FAM135B: variants seen among roughly 807,000 people sequenced by gnomAD.
FAM135B encodes the protein family with sequence similarity 135 member B.
In FAM135B, 43 loss-of-function variants were observed where a neutral mutation model predicts 127.7. The ratio of observed to expected loss-of-function variants is 0.34; its 90% confidence interval spans 0.26 to 0.43. The LOEUF is 0.43. FAM135B is among the 20% of genes least tolerant of loss of function. The pLI, the probability that FAM135B is intolerant of heterozygous loss-of-function variation, is 1.00. For synonymous variants in FAM135B, 670 were observed against 665.1 expected (o/e 1.01, Z -0.11); for missense variants, 1,558 against 1,725.6 (o/e 0.90, Z 1.72).
At chr8:138,460,583 C>T (rs1457895283) in intron 1 of FAM135B, among the ~76,000 whole-genome samples, 4 of 152,158 alleles carry the variant, frequency 2.6e-5, no homozygotes, top group African/African-American at 9.7e-5. Context: ...CTGCTTCAGA[C>T]TATTAAGATT....
At chr8:138,463,735 T>C (rs1837249587) in intron 1 of FAM135B, among the ~76,000 whole-genome samples, 1 of 152,080 alleles carries the variant, frequency 6.6e-6, no homozygotes, top group African/African-American at 2.4e-5. Context: ...AGTAGTAAGA[T>C]GTAATCTAAG....
At chr8:138,458,982 C>T (rs2131610523) in intron 1 of FAM135B, 1 of 152,292 alleles carries the variant, frequency 6.6e-6, no homozygotes, top group Middle Eastern at 3.4e-3. Flanking sequence ...GTGTGAAATT[C>T]CCTACACAGG....
chr8:138,142,068 T>C (rs1471173873), intron 16 of FAM135B, among the ~76,000 whole-genome samples: 2 of 152,066 alleles, frequency 1.3e-5, no homozygotes, highest in East Asian at 1.9e-4. Context: ...CTAACCTCTA[T>C]AGGCTTCATT....
chr8:138,356,977 C>T (rs1400196258), intron 2 of FAM135B, among the ~76,000 whole-genome samples: 2 of 152,036 alleles, frequency 1.3e-5, no homozygotes, highest in African/African-American at 2.4e-5. Context: ...TATATGAGGA[C>T]AATTAAGTCA....
intron 1 of FAM135B, among the ~76,000 whole-genome samples, chr8:138,465,286 T>G (rs974736405): frequency 1.3e-5 from 2 of 152,106 alleles, no homozygotes; most frequent in African/African-American, 4.8e-5. Context: ...TAGATGCTTA[T>G]GAAGTGCCCA....
intron 7 of FAM135B, among the ~76,000 whole-genome samples, chr8:138,226,070 T>C (rs12115181): frequency 0.23 from 34,730 of 151,592 alleles, 4,723 homozygotes; most frequent in African/African-American, 0.38. Context: ...TCTTATTATC[T>C]TATATAACAA....
At chr8:138,494,455 G>T (rs1184727347) in intron 1 of FAM135B, among the ~76,000 whole-genome samples, 1 of 152,182 alleles carries the variant, frequency 6.6e-6, no homozygotes, top group Non-Finnish European at 1.5e-5. Flanking sequence ...CACAAAGGAG[G>T]TCCAGAGTGT....
At chr8:138,302,125 G>A (rs946527580) in intron 3 of FAM135B, among the ~76,000 whole-genome samples, 2 of 81,504 alleles carry the variant, frequency 2.5e-5, no homozygotes, top group Non-Finnish European at 5.1e-5. Context: ...AAAACCACAT[G>A]AAGGAAGTGT....
chr8:138,344,577 C>CTTTTTTTTTTTTT (rs869039075), intron 2 of FAM135B, among the ~76,000 whole-genome samples: 51 of 83,926 alleles, frequency 6.1e-4, no homozygotes, highest in Admixed American at 7.5e-4. Flanking sequence ...TTCTTTCTTT[C>CTTTTTTTTTTTTT]TTTTTTTTTT....
intron 15 of FAM135B, among the ~76,000 whole-genome samples, 173 bp downstream of exon 15, chr8:138,145,782 TCTCC>T (rs1193993283): frequency 2.0e-5 from 3 of 152,110 alleles, no homozygotes; most frequent in Non-Finnish European, 2.9e-5. Context: ...TACCGTTTCC[TCTCC>T]CTCCCGAAAT....
intron 2 of FAM135B, among the ~76,000 whole-genome samples, chr8:138,329,923 A>G (rs1828049913): frequency 6.6e-6 from 1 of 152,176 alleles, no homozygotes; most frequent in Admixed American, 6.5e-5. Flanking sequence ...GAGAAGGGAG[A>G]GAGTCCCAAT....
chr8:138,475,072 G>A (rs1169212095), intron 1 of FAM135B, among the ~76,000 whole-genome samples: 1 of 146,780 alleles, frequency 6.8e-6, no homozygotes, highest in East Asian at 2.1e-4. Flanking sequence ...TTGCTTCTAG[G>A]TTAGTGAAAA....
chr8:138,162,861 C>T (rs958062490), intron 12 of FAM135B, among the ~76,000 whole-genome samples: 3 of 152,002 alleles, frequency 2.0e-5, no homozygotes, highest in Non-Finnish European at 2.9e-5. Flanking sequence ...AACTTGAATG[C>T]CTTGTATAAA....
At chr8:138,402,728 C>T (rs1168745450) in intron 1 of FAM135B, among the ~76,000 whole-genome samples, 1 of 152,166 alleles carries the variant, frequency 6.6e-6, no homozygotes, top group Non-Finnish European at 1.5e-5. Context: ...TACTACACTA[C>T]CAAGGTTATC....
chr8:138,310,928 A>G lies in FAM135B; in HGVS notation c.78-8T>C, dbSNP rs1055547881. The G allele has an allele frequency of 6.2e-7, 1 of 1,610,212 alleles. No individual in the cohort carries two copies. Among genetic ancestry groups the G allele is most frequent in the Non-Finnish European group, 8.5e-7 (1 of 1,178,010 alleles). ...ACTCGGATCTGGTAATACCTAAGAA[A>G]AGAGAAGAGGACAGGGTGCTGAAGA... On this transcript the variant is annotated splice_region_variant and splice_polypyrimidine_tract_variant and intron_variant, in intron 2 of 19. Transcript: ENST00000395297.
intron 3 of FAM135B, among the ~76,000 whole-genome samples, chr8:138,270,118 C>G (rs1823258928): frequency 6.6e-6 from 1 of 152,102 alleles, no homozygotes; most frequent in Non-Finnish European, 1.5e-5. Context: ...TAGGGAGGTC[C>G]AATACATGAC....
At chr8:138,245,485 C>T (rs781386992) in intron 6 of FAM135B, among the ~76,000 whole-genome samples, 6 of 152,108 alleles carry the variant, frequency 3.9e-5, no homozygotes, top group Non-Finnish European at 8.8e-5. Context: ...AAGGGGCTTT[C>T]CCCCATTTGC....
chr8:138,371,661 T>A (rs549062282), intron 1 of FAM135B, among the ~76,000 whole-genome samples: 153 of 152,198 alleles, frequency 1.0e-3, no homozygotes, highest in Middle Eastern at 6.8e-3. Flanking sequence ...CCAGTATTTG[T>A]TCCAAGAACC....
At position 138,132,434 on chromosome 8, in the gene FAM135B, CCA is replaced by C. The variant is rs1471365366; in HGVS notation, c.*157_*158del. On this transcript the variant is annotated 3_prime_UTR_variant, in exon 20 of 20. Coordinates refer to ENST00000395297, the MANE Select transcript of FAM135B (RefSeq NM_015912.4). The surrounding 1 kb of genome is among the most constrained non-coding windows in gnomAD (Gnocchi z 4.5). ...CTATTTGCTCAGCTTTCTCGAATCT[CCA>C]AAACAAAAGCACCTCTCATGTCAGG... The C allele has an allele frequency of 4.7e-6, 3 of 642,540 alleles. No homozygotes were observed. The African/African-American group carries it at 5.4e-5, about 12-fold the overall frequency. 39.8% of individuals were successfully genotyped at this position (642,540 alleles called of 1,614,324 possible).
Sources: allele counts gnomAD v4.1 joint callset (sites outside exome capture counted in the v4.1 genomes callset), GRCh38; gene constraint gnomAD v4.1.1; non-coding constraint Gnocchi (gnomAD v3.1); transcripts MANE v1.5; gene names NCBI Gene and HGNC (gene_info 2026-07-23, HGNC 2026-07-21).